Variants in ERP27 observed in about 807,000 individuals in gnomAD.
ERP27 encodes the protein endoplasmic reticulum resident protein 27.
Under a neutral mutation model 27.7 loss-of-function variants are expected in ERP27, and 23 were observed. The observed-to-expected ratio is 0.83, with a 90% CI of 0.60 to 1.18. The LOEUF is 1.18. Ranked by LOEUF, ERP27 falls within the 50% of genes most tolerant of loss-of-function variation. ERP27 has a pLI of 0.00. For synonymous variants in ERP27, 159 were observed against 118.3 expected (o/e 1.34, Z -2.23); for missense variants, 363 against 327.9 (o/e 1.11, Z -0.83).
chr12:14,938,339 G>A lies in ERP27; in HGVS notation c.94+76C>T, dbSNP rs1863803212. 4.1e-6 allele frequency: 6 copies of A among 1,459,542 alleles called. No individual in the cohort carries two copies. The South Asian group carries it at 6.9e-5, about 17-fold the overall frequency. 90.4% of individuals were successfully genotyped at this position (1,459,542 alleles called of 1,614,324 possible). On this transcript the variant is annotated intron_variant, in intron 1 of 6. Coordinates refer to ENST00000266397, the MANE Select transcript of ERP27 (RefSeq NM_152321.4). The stretch of plus-strand genomic sequence containing the variant: ...TCTAGGTGTGGAGGAAAAGTACCCA[G>A]AGAACCACCATGCTCCCTTTCCTTC...
rs1003075482 is a variant in ERP27 at position 14,938,511 on chromosome 12, TC to T, written c.-4del. 1.0e-5 allele frequency: 16 copies of T among 1,606,522 alleles called. No homozygotes were observed. The African/African-American group carries it at 2.0e-4, about 20-fold the overall frequency. ...AACCTGGACGGGGCAGCTTCCATTG[TC>T]CCTCTCCTGCTCCTGCTCCAACCCT... On this transcript the variant is annotated 5_prime_UTR_variant, in exon 1 of 7. Transcript: ENST00000266397.
intron 3 of ERP27, among the ~76,000 whole-genome samples, chr12:14,933,902 G>C (rs1477331386): frequency 6.6e-6 from 1 of 152,056 alleles, no homozygotes; most frequent in African/African-American, 2.4e-5. Flanking sequence ...CCTAACAAAA[G>C]CTCCCTCTTC....
chr12:14,921,318 G>T (rs1267881043), intron 3 of ERP27, among the ~76,000 whole-genome samples: 4 of 152,202 alleles, frequency 2.6e-5, no homozygotes, highest in Non-Finnish European at 5.9e-5. Flanking sequence ...CAAGGAAGAA[G>T]TTACTCCTGA....
At chr12:14,938,157 C>G (rs1011323616) in intron 1 of ERP27, 105 bp from the exon 2 acceptor site, 2 of 946,074 alleles carry the variant, frequency 2.1e-6, no homozygotes, top group African/African-American at 3.3e-5. Context: ...GCAAGAAGAG[C>G]ACAATTTATA....
chr12:14,927,936 C>T (rs1383227074), intron 3 of ERP27, among the ~76,000 whole-genome samples: 1 of 152,170 alleles, frequency 6.6e-6, no homozygotes, highest in African/African-American at 2.4e-5. Context: ...TTCTTCCAAT[C>T]ATTGTTCTCA....
Position 14,928,895 on chromosome 12 carries a change from C to A in ERP27, c.333+5961G>T, listed in dbSNP as rs185580129. Reference sequence around the variant, plus strand: ...TGAGTAAAGAAATAAAATGAGCACACAAAAAAATAATATTTGCAGCTCCTC... The same window carrying A: ...TGAGTAAAGAAATAAAATGAGCACAAAAAAAAATAATATTTGCAGCTCCTC... On this transcript the variant is annotated intron_variant, in intron 3 of 6. Coordinates refer to ENST00000266397, the MANE Select transcript of ERP27 (RefSeq NM_152321.4). The A allele has an allele frequency of 3.6e-3, 5,527 of 1,518,918 alleles. 8 individuals carry two copies. The highest frequency in any genetic ancestry group is 4.6e-3 in the Non-Finnish European group (5,244 of 1,131,896). The allele number at this position is 1,518,918 out of a possible 1,614,324, so 94.1% of individuals were successfully genotyped here.
intron 3 of ERP27, among the ~76,000 whole-genome samples, chr12:14,932,067 T>G (rs944571257): frequency 1.3e-5 from 2 of 152,172 alleles, no homozygotes; most frequent in Non-Finnish European, 2.9e-5. Flanking sequence ...ACTTCAGACA[T>G]GCTTTTGGAG....
intron 2 of ERP27, 164 bp from the exon 3 acceptor site, chr12:14,935,157 A>T: frequency 5.1e-6 from 5 of 985,430 alleles, no homozygotes; most frequent in Non-Finnish European, 6.0e-6. Context: ...ACTGGCAGTG[A>T]CATTCTTGAA....
At chr12:14,926,536 G>A (rs921397956) in intron 3 of ERP27, among the ~76,000 whole-genome samples, 1 of 152,064 alleles carries the variant, frequency 6.6e-6, no homozygotes, top group Non-Finnish European at 1.5e-5. Flanking sequence ...AATTGACTGA[G>A]TATTTTATAT....
At chr12:14,927,437 T>C (rs1338922869) in intron 3 of ERP27, among the ~76,000 whole-genome samples, 1 of 152,026 alleles carries the variant, frequency 6.6e-6, no homozygotes, top group Non-Finnish European at 1.5e-5. Context: ...AGAGGGCTTA[T>C]CTACTATGAT....
intron 3 of ERP27, among the ~76,000 whole-genome samples, chr12:14,933,845 T>C (rs181396309): frequency 1.3e-5 from 2 of 152,302 alleles, no homozygotes; most frequent in African/African-American, 4.8e-5. Flanking sequence ...TGTTGCTACC[T>C]CTCTACTACA....
chr12:14,935,884 A>C (rs1196655253), intron 2 of ERP27, among the ~76,000 whole-genome samples: 1 of 152,058 alleles, frequency 6.6e-6, no homozygotes, highest in Non-Finnish European at 1.5e-5. Context: ...ATACTTGGCT[A>C]ATTTTTTCTG....
At chr12:14,919,704 G>T (rs1863470943) in intron 4 of ERP27, among the ~76,000 whole-genome samples, 4 of 152,188 alleles carry the variant, frequency 2.6e-5, no homozygotes. Context: ...CAACTACATA[G>T]GCTGTCTCTG....
At chr12:14,929,126 A>C (rs1022009474) in intron 3 of ERP27, 5 of 1,468,780 alleles carry the variant, frequency 3.4e-6, no homozygotes, top group Non-Finnish European at 3.6e-6. Context: ...ATCGCTGTGC[A>C]TGGATCAAGA....
In ERP27 at chr12:14,917,233, TC is replaced by T. The variant is rs1863424525; in HGVS notation, c.520del (p.Glu174SerfsTer29). The T allele has an allele frequency of 1.2e-6, 2 of 1,614,030 alleles. No homozygotes were observed. The highest frequency in any genetic ancestry group is 2.7e-5 in the African/African-American group (2 of 74,906). ...LLLIMNKASP[E>X]YEENMHRYQK... is the part of the protein sequence containing the mutation. Reference sequence around the variant, plus strand: ...GTATCTGTGCATGTTCTCTTCATACTCTGGGGAGGCCTTGTTCATTATCAGG... The same window carrying T: ...GTATCTGTGCATGTTCTCTTCATACTTGGGGAGGCCTTGTTCATTATCAGG... On this transcript the variant is annotated frameshift_variant, in exon 5 of 7. Coordinates refer to ENST00000266397, the MANE Select transcript of ERP27 (RefSeq NM_152321.4). LOFTEE classifies it high-confidence loss of function.
Position 14,914,577 on chromosome 12 carries a change from T to TGTGCGC in ERP27, c.*157_*158insGCGCAC, listed in dbSNP as rs1555097430. The TGTGCGC allele has an allele frequency of 1.4e-3, 770 of 542,196 alleles. 6 individuals are homozygous for TGTGCGC. Among genetic ancestry groups the TGTGCGC allele is most frequent in the East Asian group, 0.014 (444 of 31,948 alleles). The allele number at this position is 542,196 out of a possible 1,614,324, so 33.6% of individuals were successfully genotyped here. The stretch of plus-strand genomic sequence containing the variant: ...GAAGCTCTGTGTGTGTGTGTGTGTG[T>TGTGCGC]GCGTGTGTGTGTGCACGCGTGCGTG... On this transcript the variant is annotated 3_prime_UTR_variant, in exon 7 of 7. Coordinates refer to ENST00000266397, the MANE Select transcript of ERP27 (RefSeq NM_152321.4).
chr12:14,925,128 T>G (rs1336991810), intron 3 of ERP27, among the ~76,000 whole-genome samples: 3 of 152,244 alleles, frequency 2.0e-5, no homozygotes, highest in Non-Finnish European at 4.4e-5. Context: ...CTTTACTTTC[T>G]TAATAAACTT....
intron 3 of ERP27, 56 bp from the exon 4 acceptor site, chr12:14,921,104 T>C: frequency 1.4e-6 from 2 of 1,422,708 alleles, no homozygotes; most frequent in Non-Finnish European, 2.0e-6. Flanking sequence ...CATGTATTGA[T>C]AAACGTCTTT....
intron 2 of ERP27, among the ~76,000 whole-genome samples, chr12:14,935,445 A>G (rs942216566): frequency 4.6e-5 from 7 of 152,228 alleles, no homozygotes; most frequent in African/African-American, 1.7e-4. Flanking sequence ...TGTAGGTTAG[A>G]ATAATTTTAG....
Sources: gnomAD v4.1 joint callset for allele counts (sites outside exome capture counted in the v4.1 genomes callset) on GRCh38, gnomAD v4.1.1 for gene constraint, MANE v1.5 for transcripts, NCBI Gene and HGNC (gene_info 2026-07-23, HGNC 2026-07-21) for gene names.